The following DPP10 variants were observed in gnomAD, a reference collection of about 807,000 sequenced individuals.
DPP10 encodes the protein dipeptidyl peptidase like 10.
In DPP10, 33 loss-of-function variants were observed where a neutral mutation model predicts 120.9. The observed-to-expected ratio is 0.27, with a 90% confidence interval of 0.21 to 0.37. DPP10 has a LOEUF of 0.37. Among genes scored for constraint, DPP10 ranks in the 10% least tolerant of loss-of-function variants. DPP10 has a pLI of 1.00. For missense variants in DPP10, 816 were observed against 942.8 expected (o/e 0.87, Z 1.76); for synonymous variants, 337 against 326.1 (o/e 1.03, Z -0.36).
chr2:115,809,183 G>A (rs1160768682), intron 19 of DPP10, among the ~76,000 whole-genome samples: 3 of 152,092 alleles, frequency 2.0e-5, no homozygotes, highest in Admixed American at 1.3e-4. Flanking sequence ...ATCCATCTAT[G>A]AGAAGAAATT....
intron 1 of DPP10, among the ~76,000 whole-genome samples, chr2:114,813,307 CA>C (rs1018570630): frequency 1.3e-5 from 2 of 152,174 alleles, no homozygotes; most frequent in African/African-American, 4.8e-5. Flanking sequence ...ATTTGATTCT[CA>C]ATCCTAAGAG....
intron 1 of DPP10, chr2:115,234,002 G>A (rs781016754): frequency 3.9e-6 from 2 of 512,978 alleles, no homozygotes; most frequent in South Asian, 2.8e-5. Flanking sequence ...AATGGAGGTA[G>A]TGGGGGAAAT....
rs563417489 is a variant in DPP10, at chr2:115,609,024, A to G, written c.442-80663A>G. 1.3e-4 allele frequency among the ~76,000 whole-genome samples: 20 copies of G among 152,296 alleles called. 1 individual carries two copies. In the East Asian group the frequency reaches 3.9e-3, roughly 29 times the overall value. On this transcript the variant is annotated intron_variant, in intron 5 of 25. Transcript: ENST00000410059. ...AATGGGAAAGAAACAATCTATGAAC[A>G]ATAGATGGAGAAAAAGAAAATGATT...
At chr2:115,533,391 G>C (rs532678952) in intron 5 of DPP10, among the ~76,000 whole-genome samples, 1 of 152,120 alleles carries the variant, frequency 6.6e-6, no homozygotes, top group East Asian at 1.9e-4. Context: ...GATCAGCATT[G>C]TTATTTTCTA....
chr2:114,677,118 C>G (rs1006388887), intron 1 of DPP10, among the ~76,000 whole-genome samples: 1 of 152,124 alleles, frequency 6.6e-6, no homozygotes, highest in African/African-American at 2.4e-5. Flanking sequence ...AGCTTCCTAC[C>G]GCCTCCTTCA....
chr2:114,609,627 T>C (rs1693118669), intron 1 of DPP10, among the ~76,000 whole-genome samples: 1 of 152,162 alleles, frequency 6.6e-6, no homozygotes, highest in Non-Finnish European at 1.5e-5. Flanking sequence ...GCCAGGTAAG[T>C]TGTCTAAAGT....
At chr2:115,535,610 C>T (rs2078773828) in intron 5 of DPP10, among the ~76,000 whole-genome samples, 1 of 149,836 alleles carries the variant, frequency 6.7e-6, no homozygotes, top group African/African-American at 2.4e-5. Flanking sequence ...TTTTTTGGTT[C>T]CATATGAACT....
intron 1 of DPP10, among the ~76,000 whole-genome samples, chr2:114,585,141 G>A (rs1690846543): frequency 6.6e-6 from 1 of 151,984 alleles, no homozygotes; most frequent in Non-Finnish European, 1.5e-5. Flanking sequence ...TCATGAGGCT[G>A]GAATGAGAAT....
At chr2:115,073,169 G>T (rs1458581574) in intron 1 of DPP10, among the ~76,000 whole-genome samples, 1 of 152,174 alleles carries the variant, frequency 6.6e-6, no homozygotes, top group Non-Finnish European at 1.5e-5. Flanking sequence ...AACATTTATT[G>T]TCTGTCTAAA....
rs182980723 is a variant in DPP10 at position 115,830,583 on chromosome 2, T to C, written c.1951-5574T>C. Reference sequence around the variant, plus strand: ...AAAAGTCTTTCTTTACTGAATTTAGTTCAGTAAGGAGAGCTATATGGAAAA... The same window carrying C: ...AAAAGTCTTTCTTTACTGAATTTAGCTCAGTAAGGAGAGCTATATGGAAAA... On this transcript the variant is annotated intron_variant, in intron 21 of 25. Coordinates refer to ENST00000410059, the MANE Select transcript of DPP10 (RefSeq NM_020868.6). Among the ~76,000 whole-genome samples the C allele has an allele frequency of 9.9e-5, 15 of 152,200 alleles. 1 individual carries two copies. The highest frequency in any genetic ancestry group is 3.4e-4 in the African/African-American group (14 of 41,534).
rs193073174 is a variant in DPP10, at chr2:115,230,875, A to G, written c.61-78364A>G. Among the ~76,000 whole-genome samples the G allele has an allele frequency of 9.7e-4, 148 of 152,148 alleles. 1 individual carries two copies. Among genetic ancestry groups the G allele is most frequent in the Non-Finnish European group, 2.6e-4 (18 of 67,936 alleles). ...TCAGTCTCTAATATCTGCAATATCA[A>G]TCTCAAAGATTGAGAACTTCTGGCA... On this transcript the variant is annotated intron_variant, in intron 1 of 25. Coordinates refer to ENST00000410059, the MANE Select transcript of DPP10 (RefSeq NM_020868.6).
At position 115,105,896 on chromosome 2, in the gene DPP10, G is replaced by A. The variant is rs186141724; in HGVS notation, c.61-203343G>A. Among the ~76,000 whole-genome samples, 39 of 152,158 alleles carry A rather than the reference G, an allele frequency of 2.6e-4. No individual in the cohort carries two copies. In the East Asian group the frequency reaches 6.2e-3, roughly 24 times the overall value. On this transcript the variant is annotated intron_variant, in intron 1 of 25. Transcript: ENST00000410059. ...GAAAATCATGCAGGCAAAAGACTTC[G>A]AATAAACAAATGAAAGTTCTTAAAA...
chr2:115,756,386 A>C (rs1679407928), intron 11 of DPP10, among the ~76,000 whole-genome samples: 1 of 152,138 alleles, frequency 6.6e-6, no homozygotes, highest in African/African-American at 2.4e-5. Flanking sequence ...GGATATATTA[A>C]TTATCCTGAC....
intron 5 of DPP10, among the ~76,000 whole-genome samples, chr2:115,678,538 A>T (rs368712694): frequency 3.8e-4 from 58 of 152,222 alleles, no homozygotes; most frequent in African/African-American, 1.3e-3. Flanking sequence ...GAACACCTGG[A>T]TGTCCAGCAG....
In DPP10 at chr2:115,069,088, T is replaced by C. The variant is rs115978521; in HGVS notation, c.61-240151T>C. On this transcript the variant is annotated intron_variant, in intron 1 of 25. Transcript: ENST00000410059. ...CTTTAGGATTTCTTTTGTATTTCTG[T>C]AAATAATACCATTGGATTTTTATGG... 7.8e-3 allele frequency among the ~76,000 whole-genome samples: 1,187 copies of C among 152,286 alleles called. 13 individuals carry two copies. The highest frequency in any genetic ancestry group is 0.027 in the African/African-American group (1,135 of 41,594).
intron 2 of DPP10, among the ~76,000 whole-genome samples, chr2:115,334,387 A>C (rs1030113954): frequency 2.0e-5 from 3 of 151,384 alleles, no homozygotes; most frequent in Admixed American, 1.3e-4. Context: ...AGTGTATTTG[A>C]CTTTTCCTTT....
In DPP10 at chr2:115,304,556, C is replaced by T. The variant is rs187553478; in HGVS notation, c.61-4683C>T. ...TAATTTCAATATCTCAATGATTTTT[C>T]CTTGTATTTTCTCTAAATGTCATGC... On this transcript the variant is annotated intron_variant, in intron 1 of 25. Coordinates refer to ENST00000410059, the MANE Select transcript of DPP10 (RefSeq NM_020868.6). Among the ~76,000 whole-genome samples the T allele has an allele frequency of 4.6e-3, 706 of 152,024 alleles. 17 individuals carry two copies. The highest frequency in any genetic ancestry group is 2.9e-3 in the Non-Finnish European group (197 of 67,942).
intron 1 of DPP10, among the ~76,000 whole-genome samples, chr2:114,965,190 T>C (rs1038718864): frequency 2.6e-5 from 4 of 152,054 alleles, no homozygotes; most frequent in African/African-American, 9.7e-5. Context: ...CAGGCTGTAG[T>C]ACAATGCATG....
intron 1 of DPP10, among the ~76,000 whole-genome samples, chr2:114,791,182 C>T (rs1288677465): frequency 6.6e-6 from 1 of 152,094 alleles, no homozygotes; most frequent in Non-Finnish European, 1.5e-5. Context: ...CTTTCTGGGA[C>T]TTAATTTCTC....
Sources: gnomAD v4.1 joint callset for allele counts (sites outside exome capture counted in the v4.1 genomes callset) on GRCh38, gnomAD v4.1.1 for gene constraint, MANE v1.5 for transcripts, NCBI Gene and HGNC (gene_info 2026-07-23, HGNC 2026-07-21) for gene names.